DMXL1: variants seen among roughly 807,000 people sequenced by gnomAD.
DMXL1 encodes Dmx like 1, also known as dmX-like protein 1.
A neutral mutation model predicts 319.2 loss-of-function variants in DMXL1; 99 were observed. That is an observed-to-expected ratio of 0.31 (90% CI 0.26 to 0.37). The LOEUF is 0.37. DMXL1 is among the 10% of genes least tolerant of loss of function. The probability of loss-of-function intolerance (pLI) is 1.00; values close to 1 mark genes in which losing one functional copy is unlikely to be tolerated. For missense variants in DMXL1, 3,745 were observed against 3,595.6 expected (o/e 1.04, Z -1.06); for synonymous variants, 1,385 against 1,235.2 (o/e 1.12, Z -2.54).
In DMXL1 at chr5:119,146,865, G is replaced by T. The variant is rs148931066; in HGVS notation, c.2598G>T (p.Lys866Asn). Residue 866 changes from lysine to asparagine, a missense_variant, in exon 16 of 44, where the codon AAG becomes AAT. Around this residue, in one of 4 missense-constraint regions of DMXL1, gnomAD observed 2,096 missense variants for 1,985.4 expected, o/e 1.06. Transcript: ENST00000539542. ...GCTCACCTAATGGATTTTCTGAGAA[G>T]TTCTACCTAATTGTAATAGAATGCA... is the stretch of plus-strand genomic sequence containing the variant. ...AGSSPNGFSE[K>N]FYLIVIECTQ... is the part of the protein sequence containing the mutation. 1.7e-5 allele frequency: 28 copies of T among 1,611,510 alleles called. No individual in the cohort carries two copies. The highest frequency in any genetic ancestry group is 2.4e-5 in the Non-Finnish European group (28 of 1,178,674).
At position 119,121,109 on chromosome 5, in the gene DMXL1, C is replaced by G; in HGVS notation, c.1072C>G (p.His358Asp). ...PLHANALCHF[H>D]IAASINPATD... is the part of the protein sequence containing the mutation. ...GCATGCCAATGCACTTTGCCACTTT[C>G]ATATTGCAGCCAGCATCAACCCAGC... is the stretch of plus-strand genomic sequence containing the variant. Residue 358 changes from histidine to aspartate, a missense_variant, in exon 9 of 44, where the codon CAT (histidine) becomes GAT (aspartate). By Grantham distance (81) the His-to-Asp change is moderately conservative (BLOSUM62 -1). Coordinates refer to ENST00000539542, the MANE Select transcript of DMXL1 (RefSeq NM_001290321.3). 1 of 1,608,414 alleles carries G rather than the reference C, an allele frequency of 6.2e-7. No individual in the cohort carries two copies. Among genetic ancestry groups the G allele is most frequent in the Non-Finnish European group, 8.5e-7 (1 of 1,178,468 alleles).
chr5:119,139,994 A>T (rs531551823), intron 13 of DMXL1, among the ~76,000 whole-genome samples: 1 of 152,366 alleles, frequency 6.6e-6, no homozygotes, highest in African/African-American at 2.4e-5. Context: ...AATTACATGG[A>T]TATTAAAAAC....
intron 38 of DMXL1, among the ~76,000 whole-genome samples, chr5:119,230,647 C>T (rs1786517036): frequency 6.6e-6 from 1 of 152,228 alleles, no homozygotes; most frequent in East Asian, 1.9e-4. Flanking sequence ...CTTTGGGAGG[C>T]CAAGGCGGGC....
At chr5:119,183,835 A>G (rs185054737) in intron 28 of DMXL1, among the ~76,000 whole-genome samples, 2 of 152,318 alleles carry the variant, frequency 1.3e-5, no homozygotes, top group East Asian at 3.9e-4. Flanking sequence ...AAAGTGTTCT[A>G]TTCATTCATT....
intron 34 of DMXL1, among the ~76,000 whole-genome samples, chr5:119,212,767 A>G (rs1581361437): frequency 1.3e-5 from 2 of 152,032 alleles, no homozygotes; most frequent in South Asian, 4.1e-4. Context: ...TTTTTTAACT[A>G]TAATGTTATG....
Position 119,120,977 on chromosome 5 carries a change from C to G in DMXL1, c.940C>G (p.Leu314Val), listed in dbSNP as rs1431824713. The change falls in exon 9 of 44, where the codon CTG becomes GTG. Residue 314 changes from leucine (L) to valine (V), a missense_variant. This residue lies in a region of DMXL1 where 2,096 missense variants were observed against 1,985.4 expected (regional missense o/e 1.06). Coordinates refer to ENST00000539542, the MANE Select transcript of DMXL1 (RefSeq NM_001290321.3). ...TTTGTTTCTATTCACACAGGTAAAT[C>G]TGAGACATTTTCGTAGAGGTCGGAG... ...ERVQNALEVN[L>V]RHFRRGRRRS... 4 of 1,608,072 alleles carry G rather than the reference C, an allele frequency of 2.5e-6. No homozygotes were observed. Among genetic ancestry groups the G allele is most frequent in the Non-Finnish European group, 3.4e-6 (4 of 1,178,128 alleles).
chr5:119,155,670 G>T (rs1391525922), intron 19 of DMXL1, among the ~76,000 whole-genome samples: 1 of 151,536 alleles, frequency 6.6e-6, no homozygotes, highest in African/African-American at 2.4e-5. Flanking sequence ...CGCCATCTCT[G>T]AAAAAAATTT....
rs867632383 is a variant in DMXL1, at chr5:119,125,604, G to A, written c.1103-3607G>A. Among the ~76,000 whole-genome samples, 5 of 152,186 alleles carry A rather than the reference G, an allele frequency of 3.3e-5. No individual in the cohort carries two copies. In the East Asian group the frequency reaches 5.8e-4, roughly 18 times the overall value. ...TTTTGAGATGAAGTCTCACTCTGTT[G>A]CCCAGGCTGAAGTGCAATGGTGTGA... On this transcript the variant is annotated intron_variant, in intron 9 of 43. Coordinates refer to ENST00000539542, the MANE Select transcript of DMXL1 (RefSeq NM_001290321.3).
rs781780562 is a variant in DMXL1 at position 119,247,137 on chromosome 5, G to A, written c.9065G>A (p.Gly3022Glu). The A allele has an allele frequency of 6.2e-7, 1 of 1,614,092 alleles. No individual in the cohort carries two copies. The highest frequency in any genetic ancestry group is 1.7e-5 in the Admixed American group (1 of 60,018). The change falls in exon 44 of 44, where the codon GGA becomes GAA. Residue 3022 changes from glycine (G) to glutamate (E), a missense_variant. Gly to Glu is a moderately conservative substitution (Grantham distance 98). This residue lies in a region of DMXL1 where 262 missense variants were observed against 320.5 expected (regional missense o/e 0.82). Transcript: ENST00000539542. ...ANHIFSCGAD[G>E]TMKMRILPDQ... ...CACATTTTCTCCTGTGGAGCTGATG[G>A]AACAATGAAAATGAGAATACTGCCA... is the stretch of plus-strand genomic sequence containing the variant.
chr5:119,172,197 G>T (rs1774720570), intron 25 of DMXL1, among the ~76,000 whole-genome samples: 1 of 152,042 alleles, frequency 6.6e-6, no homozygotes, highest in African/African-American at 2.4e-5. Flanking sequence ...TTATCACAAT[G>T]CCTAGTTATT....
At chr5:119,098,349 A>T (rs1756456254) in intron 2 of DMXL1, among the ~76,000 whole-genome samples, 2 of 152,200 alleles carry the variant, frequency 1.3e-5, no homozygotes, top group Admixed American at 1.3e-4. Context: ...ATATAGAATG[A>T]GTCTAAAGCT....
chr5:119,111,739 A>G (rs1325229351), intron 5 of DMXL1, among the ~76,000 whole-genome samples: 2 of 152,258 alleles, frequency 1.3e-5, no homozygotes, highest in Non-Finnish European at 2.9e-5. Flanking sequence ...TAGGCCTTAA[A>G]TTAGTTAGAA....
At chr5:119,119,356 T>C (rs893024351) in intron 8 of DMXL1, among the ~76,000 whole-genome samples, 2 of 152,224 alleles carry the variant, frequency 1.3e-5, no homozygotes, top group African/African-American at 2.4e-5. Flanking sequence ...TCTGTTCTTC[T>C]ACCATTTTAT....
intron 1 of DMXL1, among the ~76,000 whole-genome samples, chr5:119,076,284 A>G (rs901122094): frequency 6.6e-6 from 1 of 152,232 alleles, no homozygotes; most frequent in Non-Finnish European, 1.5e-5. Flanking sequence ...CTGAATAAGT[A>G]GTCGTCTTCA....
chr5:119,216,094 CAAAAA>C (rs773591355), intron 34 of DMXL1, among the ~76,000 whole-genome samples: 11 of 37,360 alleles, frequency 2.9e-4, no homozygotes, highest in South Asian at 2.1e-3. Context: ...GCATCCATCT[CAAAAA>C]AAAAAAAAAA....
chr5:119,170,108 C>CAT (rs1774253356), intron 23 of DMXL1, 82 bp from the exon 24 acceptor site: 1 of 1,401,832 alleles, frequency 7.1e-7, no homozygotes, highest in Admixed American at 2.7e-5. Context: ...ATAAAGGTGT[C>CAT]ATAGTAGATA....
At chr5:119,202,864 C>A (rs13357113) in intron 32 of DMXL1, among the ~76,000 whole-genome samples, 4 of 74,316 alleles carry the variant, frequency 5.4e-5, no homozygotes, top group Non-Finnish European at 1.1e-4. Flanking sequence ...AATATACATA[C>A]ATATATATAT....
chr5:119,185,926 AT>A (rs1777634270), intron 28 of DMXL1, among the ~76,000 whole-genome samples: 2 of 152,186 alleles, frequency 1.3e-5, no homozygotes, highest in Middle Eastern at 3.4e-3. Context: ...CATGTTTTAC[AT>A]TTAATTTTGA....
At chr5:119,208,812 A>T (rs955643308) in intron 34 of DMXL1, among the ~76,000 whole-genome samples, 4 of 152,136 alleles carry the variant, frequency 2.6e-5, no homozygotes, top group Admixed American at 1.3e-4. Context: ...CAGGATAATG[A>T]TTATATCCAT....
Sources: gnomAD v4.1 joint callset for allele counts (sites outside exome capture counted in the v4.1 genomes callset) on GRCh38, gnomAD v4.1.1 for gene constraint, gnomAD v4.1.1 regional missense constraint, MANE v1.5 for transcripts, NCBI Gene and HGNC (gene_info 2026-07-23, HGNC 2026-07-21) for gene names.